BTAF1: variants seen among roughly 807,000 people sequenced by gnomAD.
BTAF1 encodes the protein TATA-binding protein-associated factor 172.
BTAF1 carries 38 observed loss-of-function variants against 227.1 expected under a neutral mutation model. That is an observed-to-expected ratio of 0.17 (90% CI 0.13 to 0.22). The LOEUF is 0.22. BTAF1 is among the 10% of genes least tolerant of loss of function. BTAF1 has a pLI of 1.00. For missense variants in BTAF1, 1,598 were observed against 2,204.0 expected (o/e 0.73, Z 5.51); for synonymous variants, 742 against 751.9 (o/e 0.99, Z 0.21).
At chr10:91,979,599 C>A (rs769158986) in intron 14 of BTAF1, among the ~76,000 whole-genome samples, 1 of 152,040 alleles carries the variant, frequency 6.6e-6, no homozygotes, top group Non-Finnish European at 1.5e-5. Context: ...TAAAAAAAGT[C>A]ATGTGGAGGG....
At chr10:91,940,397 T>C (rs1352557993) in intron 3 of BTAF1, among the ~76,000 whole-genome samples, 1 of 152,118 alleles carries the variant, frequency 6.6e-6, no homozygotes, top group East Asian at 1.9e-4. Flanking sequence ...TCTTTTTTTC[T>C]TGTTGCTGGG....
intron 5 of BTAF1, among the ~76,000 whole-genome samples, chr10:91,952,598 G>A (rs1458770121): frequency 6.6e-6 from 1 of 152,128 alleles, no homozygotes; most frequent in Non-Finnish European, 1.5e-5. Context: ...GTGGAGAATG[G>A]TTCTATTTGC....
In BTAF1 at chr10:92,018,864, G is replaced by C. The variant is rs530875744; in HGVS notation, c.4792G>C (p.Glu1598Gln). 1 of 1,610,468 alleles carries C rather than the reference G, an allele frequency of 6.2e-7. No individual in the cohort carries two copies. Among genetic ancestry groups the C allele is most frequent in the African/African-American group, 1.3e-5 (1 of 74,858 alleles). The part of the protein sequence containing the change: ...PQHPEFKTTA[E>Q]KLAVQNSSLH... ...ACATCCAGAATTCAAGACCACTGCC[G>C]AAAAACTGGCAGTTCAGAATTCTTC... Residue 1598 changes from glutamate (E) to glutamine (Q), a missense_variant, in exon 34 of 38, where the codon GAA becomes CAA. Physicochemically the swap from Glu to Gln is conservative, Grantham distance 29 (BLOSUM62 2). Transcript: ENST00000265990.
In BTAF1 at chr10:92,026,679, A is replaced by G. The variant is rs1851538940; in HGVS notation, c.5163A>G (p.Val1721=). The change falls in exon 36 of 38, where the codon GTA becomes GTG. Residue 1721 remains valine (V), a synonymous_variant. Transcript: ENST00000265990. ...LGLNLTGADT[V]VFVEHDWNPM... Reference sequence around the variant, plus strand: ...TTAATTTGACAGGCGCTGACACAGTAGTATTTGTGGAGCATGACTGGAATC... The same window carrying G: ...TTAATTTGACAGGCGCTGACACAGTGGTATTTGTGGAGCATGACTGGAATC... The G allele has an allele frequency of 1.2e-6, 2 of 1,614,024 alleles. No individual in the cohort carries two copies. The highest frequency in any genetic ancestry group is 1.7e-6 in the Non-Finnish European group (2 of 1,179,986).
At chr10:92,008,558 A>G (rs1589954709) in intron 26 of BTAF1, among the ~76,000 whole-genome samples, 1 of 143,896 alleles carries the variant, frequency 6.9e-6, no homozygotes, top group South Asian at 2.2e-4. Flanking sequence ...TTTGTTGCCC[A>G]TGCTGGTCTT....
At position 92,030,748 on chromosome 10, in the gene BTAF1, A is replaced by G. The variant is rs1059515; in HGVS notation, c.*1815A>G. ...AAAAATGATGTGTGGTTGCTTCTGA[A>G]TGGGAAACAGGAGTCAGAGCTGACA... is the stretch of plus-strand genomic sequence containing the variant. On this transcript the variant is annotated 3_prime_UTR_variant, in exon 38 of 38. Coordinates refer to ENST00000265990, the MANE Select transcript of BTAF1 (RefSeq NM_003972.3). Among the ~76,000 whole-genome samples the G allele has an allele frequency of 0.27, 41,829 of 152,176 alleles. 7,056 individuals carry two copies. Among genetic ancestry groups the G allele is most frequent in the Non-Finnish European group, 0.38 (25,924 of 67,968 alleles).
chr10:92,002,523 TA>T (rs986502884), intron 25 of BTAF1, among the ~76,000 whole-genome samples: 88 of 152,330 alleles, frequency 5.8e-4, no homozygotes, highest in African/African-American at 2.0e-3. Context: ...TGTCATTTCT[TA>T]AAATTTCCAT....
chr10:91,934,926 T>C (rs999035420), intron 1 of BTAF1, among the ~76,000 whole-genome samples: 9 of 152,194 alleles, frequency 5.9e-5, no homozygotes, highest in African/African-American at 2.2e-4. Context: ...TAGTTGGGGA[T>C]ATAATATTCG....
chr10:91,980,422 G>A (rs778300371), intron 14 of BTAF1, 32 bp from the exon 15 acceptor site: 4 of 1,484,358 alleles, frequency 2.7e-6, no homozygotes, highest in Admixed American at 3.4e-5. Context: ...AGAATTATAT[G>A]CTACAGCTTT....
chr10:92,018,574 G>A (rs1050419939), intron 33 of BTAF1, among the ~76,000 whole-genome samples: 1 of 152,142 alleles, frequency 6.6e-6, no homozygotes, highest in African/African-American at 2.4e-5. Flanking sequence ...CAATTTATAC[G>A]CGTTGTAAAT....
In BTAF1 at chr10:91,932,121, A is replaced by G. The variant is rs147704053; in HGVS notation, c.15-3536A>G. Among the ~76,000 whole-genome samples, 1,119 of 152,264 alleles carry G rather than the reference A, an allele frequency of 7.3e-3. 4 individuals carry two copies. Among genetic ancestry groups the G allele is most frequent in the Non-Finnish European group, 9.8e-3 (667 of 68,014 alleles). On this transcript the variant is annotated intron_variant, in intron 1 of 37. Transcript: ENST00000265990. ...GTGTGTCTGTGGGACAGTATCAGCA[A>G]TTAGGTTAGAGAGGAGTCTAAGGTC...
At chr10:92,027,354 G>T in intron 37 of BTAF1, 54 bp downstream of exon 37, 1 of 1,481,168 alleles carries the variant, frequency 6.8e-7, no homozygotes, top group Non-Finnish European at 9.1e-7. Flanking sequence ...TCCTGTGACT[G>T]CTAAGTTGAA....
At chr10:91,978,466 C>G (rs1011255406) in intron 14 of BTAF1, among the ~76,000 whole-genome samples, 1 of 151,984 alleles carries the variant, frequency 6.6e-6, no homozygotes, top group Non-Finnish European at 1.5e-5. Flanking sequence ...TATAGCTTTC[C>G]TAATTCTGTT....
intron 4 of BTAF1, among the ~76,000 whole-genome samples, chr10:91,946,515 CCAAAGTGGCTCTGCTATTTTA>C (rs1420771387): frequency 1.3e-5 from 2 of 152,190 alleles, no homozygotes; most frequent in Non-Finnish European, 2.9e-5. Flanking sequence ...CCAGAGTTTT[CCAAAGTGGCTCTGCTATTTTA>C]CATTCAATTT....
intron 32 of BTAF1, among the ~76,000 whole-genome samples, chr10:92,016,130 A>G (rs572215467): frequency 6.6e-6 from 1 of 152,262 alleles, no homozygotes; most frequent in East Asian, 1.9e-4. Context: ...TAATGTGTTC[A>G]TACTTGTTTT....
intron 3 of BTAF1, among the ~76,000 whole-genome samples, chr10:91,941,965 C>T (rs1845030897): frequency 6.6e-6 from 1 of 152,160 alleles, no homozygotes; most frequent in Non-Finnish European, 1.5e-5. Context: ...CTACTTACTA[C>T]ACTTTTACTT....
intron 25 of BTAF1, among the ~76,000 whole-genome samples, chr10:91,999,863 CA>C (rs1849394375): frequency 6.6e-6 from 1 of 151,846 alleles, no homozygotes; most frequent in African/African-American, 2.4e-5. Flanking sequence ...AATTCAAAAA[CA>C]GGCAAAAGAA....
intron 33 of BTAF1, among the ~76,000 whole-genome samples, chr10:92,017,285 T>G (rs1026287512): frequency 6.6e-6 from 1 of 152,028 alleles, no homozygotes; most frequent in Non-Finnish European, 1.5e-5. Flanking sequence ...GTCATGCAGG[T>G]GTATGGGGGG....
intron 11 of BTAF1, 78 bp from the exon 12 acceptor site, chr10:91,962,460 C>T: frequency 9.3e-7 from 1 of 1,077,816 alleles, no homozygotes; most frequent in Non-Finnish European, 1.3e-6. Context: ...TGTCATGTGG[C>T]AAATTTAAAT....
Sources: allele counts gnomAD v4.1 joint callset (sites outside exome capture counted in the v4.1 genomes callset), GRCh38; gene constraint gnomAD v4.1.1; transcripts MANE v1.5; gene names NCBI Gene and HGNC (gene_info 2026-07-23, HGNC 2026-07-21).